POU2F1: variants seen among roughly 807,000 people sequenced by gnomAD.
POU2F1 encodes POU domain, class 2, transcription factor 1.
In POU2F1, 16 loss-of-function variants were observed where a neutral mutation model predicts 84.9. The ratio of observed to expected loss-of-function variants is 0.19; its 90% CI spans 0.13 to 0.29. The LOEUF is 0.29. Ranked by LOEUF, POU2F1 falls within the 10% of genes least tolerant of loss-of-function variation. POU2F1 has a pLI of 1.00. For missense variants in POU2F1, 738 were observed against 942.6 expected (o/e 0.78, Z 2.84); for synonymous variants, 368 against 368.3 (o/e 1.00, Z 0.01).
At chr1:167,269,097 G>C (rs528563536) in intron 1 of POU2F1, among the ~76,000 whole-genome samples, 1 of 152,204 alleles carries the variant, frequency 6.6e-6, no homozygotes, top group South Asian at 2.1e-4. Flanking sequence ...TGGCTTTACT[G>C]TAGGTTTGTT....
At chr1:167,394,561 T>C (rs908741718) in intron 9 of POU2F1, among the ~76,000 whole-genome samples, 3 of 152,192 alleles carry the variant, frequency 2.0e-5, no homozygotes, top group Non-Finnish European at 4.4e-5. Context: ...ACATTGGACA[T>C]GGGATGTCCA....
chr1:167,322,018 A>G (rs1277466845), intron 1 of POU2F1, among the ~76,000 whole-genome samples: 1 of 152,212 alleles, frequency 6.6e-6, no homozygotes, highest in Admixed American at 6.5e-5. Flanking sequence ...CAGAGGCTTT[A>G]CCAACTCCAA....
intron 1 of POU2F1, among the ~76,000 whole-genome samples, chr1:167,234,555 G>T (rs1410192879): frequency 6.6e-6 from 1 of 152,108 alleles, no homozygotes; most frequent in Non-Finnish European, 1.5e-5. Flanking sequence ...AACATAGCGA[G>T]ACCTTCTCTC....
intron 6 of POU2F1, among the ~76,000 whole-genome samples, chr1:167,375,723 A>C (rs541014139): frequency 6.6e-6 from 1 of 152,338 alleles, no homozygotes; most frequent in South Asian, 2.1e-4. Context: ...TAAAACCCAT[A>C]TTGGTCTTTA....
intron 1 of POU2F1, among the ~76,000 whole-genome samples, chr1:167,245,925 G>A (rs1303566568): frequency 6.6e-6 from 1 of 152,152 alleles, no homozygotes; most frequent in South Asian, 2.1e-4. Context: ...GTCTGAACAA[G>A]AAGCTATGTT....
intron 1 of POU2F1, among the ~76,000 whole-genome samples, chr1:167,272,630 T>C (rs1464018439): frequency 2.0e-5 from 3 of 152,070 alleles, no homozygotes; most frequent in Non-Finnish European, 4.4e-5. Flanking sequence ...TAGGAGGGGC[T>C]ACACACTTTT....
At chr1:167,409,269 G>A (rs573644172) in intron 13 of POU2F1, among the ~76,000 whole-genome samples, 45 of 152,134 alleles carry the variant, frequency 3.0e-4, no homozygotes, top group Non-Finnish European at 5.3e-4. Flanking sequence ...TTTATAAGTT[G>A]TATCTCAATA....
chr1:167,308,400 T>C (rs1029307362), intron 1 of POU2F1, among the ~76,000 whole-genome samples: 3 of 151,946 alleles, frequency 2.0e-5, no homozygotes, highest in Non-Finnish European at 4.4e-5. Flanking sequence ...CTTTGATCGC[T>C]TAAGGTGATG....
intron 6 of POU2F1, among the ~76,000 whole-genome samples, chr1:167,375,598 A>G (rs1392356421): frequency 6.6e-6 from 1 of 152,234 alleles, no homozygotes; most frequent in Non-Finnish European, 1.5e-5. Flanking sequence ...CTGTTGTCAA[A>G]TGTCATAAGT....
intron 4 of POU2F1, among the ~76,000 whole-genome samples, chr1:167,370,851 G>A (rs1659961828): frequency 6.6e-6 from 1 of 152,090 alleles, no homozygotes; most frequent in Non-Finnish European, 1.5e-5. Context: ...CTTAAATCTG[G>A]CCACTTTCCT....
At chr1:167,252,073 G>A (rs548082526) in intron 1 of POU2F1, among the ~76,000 whole-genome samples, 1 of 151,618 alleles carries the variant, frequency 6.6e-6, no homozygotes, top group South Asian at 2.1e-4. Flanking sequence ...TTTTGGCCAG[G>A]CTGGTCTGGA....
rs986706093 is a variant in POU2F1 at position 167,244,717 on chromosome 1, TC to T, written c.61+23760del. Reference sequence around the variant, plus strand: ...CCTATCACCTACCTACTGAAAGCCTTCAGTAAGCTTTAAGAGCATACAGGAG... The same window carrying T: ...CCTATCACCTACCTACTGAAAGCCTTAGTAAGCTTTAAGAGCATACAGGAG... On this transcript the variant is annotated intron_variant, in intron 1 of 15. Coordinates refer to ENST00000367866, the MANE Select transcript of POU2F1 (RefSeq NM_002697.4). 2.6e-4 allele frequency among the ~76,000 whole-genome samples: 39 copies of T among 152,162 alleles called. 1 individual carries two copies. Among genetic ancestry groups the T allele is most frequent in the Non-Finnish European group, 2.9e-5 (2 of 68,016 alleles).
At chr1:167,265,937 T>C (rs1651916653) in intron 1 of POU2F1, among the ~76,000 whole-genome samples, 1 of 152,272 alleles carries the variant, frequency 6.6e-6, no homozygotes, top group South Asian at 2.1e-4. Flanking sequence ...ATGCTAAGCC[T>C]GCAGCTACAC....
chr1:167,315,595 G>C (rs1284593920), intron 1 of POU2F1, among the ~76,000 whole-genome samples: 1 of 152,124 alleles, frequency 6.6e-6, no homozygotes, highest in Non-Finnish European at 1.5e-5. Context: ...GAGCAACATA[G>C]TGAGGACTTG....
intron 1 of POU2F1, among the ~76,000 whole-genome samples, chr1:167,225,739 G>A: frequency 6.6e-6 from 1 of 152,024 alleles, no homozygotes; most frequent in Non-Finnish European, 1.5e-5. Flanking sequence ...TTTTTAAGTT[G>A]GTCACTCATT....
chr1:167,232,302 A>G (rs1007628228), intron 1 of POU2F1, among the ~76,000 whole-genome samples: 3 of 152,198 alleles, frequency 2.0e-5, no homozygotes, highest in Admixed American at 1.3e-4. Flanking sequence ...TAAGATTATA[A>G]CAGAACTGAA....
intron 1 of POU2F1, among the ~76,000 whole-genome samples, chr1:167,251,556 A>G (rs1220064898): frequency 1.3e-5 from 2 of 152,134 alleles, no homozygotes; most frequent in African/African-American, 4.8e-5. Context: ...TAGTTTTAGT[A>G]TGTTATTGGG....
In POU2F1 at chr1:167,427,087, G is replaced by A. The variant is rs1313977326; in HGVS notation, c.*11277G>A. On this transcript the variant is annotated 3_prime_UTR_variant, in exon 16 of 16. Transcript: ENST00000367866. ...TTAGCTGATGCCTCCTGAAGCCTGA[G>A]GAGGTGGCGGGGAATATGAGCGGTG... The A allele has an allele frequency of 1.3e-5, 2 of 152,188 alleles. No individual in the cohort carries two copies. Among genetic ancestry groups the A allele is most frequent in the Non-Finnish European group, 1.5e-5 (1 of 68,036 alleles). 9.4% of individuals were successfully genotyped at this position (152,188 alleles called of 1,614,324 possible). A position where few individuals can be genotyped will look rare whatever the true frequency, so the allele number is the denominator to read the frequency against.
At chr1:167,243,414 T>C (rs767721085) in intron 1 of POU2F1, among the ~76,000 whole-genome samples, 5 of 152,246 alleles carry the variant, frequency 3.3e-5, no homozygotes, top group Non-Finnish European at 5.9e-5. Flanking sequence ...TTCAAACCTT[T>C]TAATGACTTG....
Sources: gnomAD v4.1 joint callset for allele counts (sites outside exome capture counted in the v4.1 genomes callset) on GRCh38, gnomAD v4.1.1 for gene constraint, MANE v1.5 for transcripts, NCBI Gene and HGNC (gene_info 2026-07-23, HGNC 2026-07-21) for gene names.